SMYD3: variants seen among roughly 807,000 people sequenced by gnomAD.
The protein encoded by SMYD3 is histone-lysine N-methyltransferase SMYD3.
SMYD3 carries 36 observed loss-of-function variants against 57.7 expected under a neutral mutation model. That is an observed-to-expected ratio of 0.62 (90% CI 0.48 to 0.82). The LOEUF (loss-of-function observed/expected upper bound fraction) is 0.82. Among genes scored for constraint, SMYD3 ranks in the 40% least tolerant of loss-of-function variants. The pLI, the probability that SMYD3 is intolerant of heterozygous loss-of-function variation, is 0.00. For synonymous variants in SMYD3, 211 were observed against 195.0 expected, an observed-to-expected ratio of 1.08 and a Z score of -0.68; for missense variants, 515 against 538.8, an observed-to-expected ratio of 0.96 and a Z score of 0.44.
chr1:245,960,378 C>T (rs1190982097), intron 5 of SMYD3, among the ~76,000 whole-genome samples: 1 of 152,134 alleles, frequency 6.6e-6, no homozygotes, highest in African/African-American at 2.4e-5. Context: ...GGTCAAGGGA[C>T]AACAATCTAT....
chr1:246,307,564 C>CACA (rs2065005136), intron 5 of SMYD3, among the ~76,000 whole-genome samples: 1 of 151,236 alleles, frequency 6.6e-6, no homozygotes, highest in African/African-American at 2.4e-5. Context: ...GGACTACAGG[C>CACA]GCCCGCCACC....
intron 1 of SMYD3, among the ~76,000 whole-genome samples, chr1:246,487,096 C>G (rs1319435215): frequency 6.6e-6 from 1 of 152,154 alleles, no homozygotes; most frequent in East Asian, 1.9e-4. Context: ...GACACAATAC[C>G]TGCATCCAAG....
intron 8 of SMYD3, among the ~76,000 whole-genome samples, chr1:245,875,618 T>C (rs1018394803): frequency 1.0e-3 from 159 of 152,194 alleles, no homozygotes; most frequent in African/African-American, 3.7e-3. Flanking sequence ...GTATACAAGA[T>C]GATATAATGC....
At chr1:246,128,073 C>G (rs2061534729) in intron 5 of SMYD3, among the ~76,000 whole-genome samples, 1 of 151,980 alleles carries the variant, frequency 6.6e-6, no homozygotes, top group African/African-American at 2.4e-5. Context: ...GAAATGTAGG[C>G]GTAAAGCAAA....
chr1:246,452,021 TG>T (rs2067641070), intron 1 of SMYD3, among the ~76,000 whole-genome samples: 2 of 152,338 alleles, frequency 1.3e-5, no homozygotes, highest in South Asian at 4.1e-4. Flanking sequence ...TCTTCATCTG[TG>T]AAATTAAGAC....
chr1:246,072,715 A>G (rs2787964), intron 5 of SMYD3, among the ~76,000 whole-genome samples: 60,121 of 151,660 alleles, frequency 0.4, 14,906 homozygotes, highest in African/African-American at 0.68. Flanking sequence ...AGATCTGCCT[A>G]AAATGTTGGC....
At chr1:246,183,068 T>C (rs986613915) in intron 5 of SMYD3, among the ~76,000 whole-genome samples, 2 of 152,186 alleles carry the variant, frequency 1.3e-5, no homozygotes, top group Admixed American at 6.5e-5. Context: ...TTTTGGCTTT[T>C]ATCTAAGGCC....
chr1:246,177,016 G>A (rs1374445901), intron 5 of SMYD3, among the ~76,000 whole-genome samples: 3 of 152,156 alleles, frequency 2.0e-5, no homozygotes, highest in African/African-American at 7.2e-5. Context: ...TTGTTTTTAG[G>A]CCTGCTGTTT....
intron 11 of SMYD3, among the ~76,000 whole-genome samples, chr1:245,762,116 A>C (rs1254376982): frequency 6.6e-6 from 1 of 152,130 alleles, no homozygotes; most frequent in Non-Finnish European, 1.5e-5. Flanking sequence ...GAAGTATTTG[A>C]TCACCATGTT....
At chr1:246,458,594 C>T (rs1010283429) in intron 1 of SMYD3, among the ~76,000 whole-genome samples, 1 of 149,718 alleles carries the variant, frequency 6.7e-6, no homozygotes, top group Non-Finnish European at 1.5e-5. Flanking sequence ...CTACAGGCGC[C>T]CACCACCGCG....
Position 246,252,857 on chromosome 1 carries a change from T to C in SMYD3, c.531+74344A>G, listed in dbSNP as rs142941769. On this transcript the variant is annotated intron_variant, in intron 5 of 11. Transcript: ENST00000490107. ...AAAGCCTGTTACTATGGTAAATAAA[T>C]ACACACAGTTCTATCACAGAGCACA... is the stretch of plus-strand genomic sequence containing the variant. Among the ~76,000 whole-genome samples, 289 of 152,324 alleles carry C rather than the reference T, an allele frequency of 1.9e-3. 1 individual carries two copies. The highest frequency in any genetic ancestry group is 6.8e-3 in the African/African-American group (284 of 41,568).
intron 5 of SMYD3, among the ~76,000 whole-genome samples, chr1:246,303,119 T>C (rs1414591411): frequency 6.6e-6 from 1 of 152,228 alleles, no homozygotes; most frequent in Admixed American, 6.5e-5. Context: ...TCAGGCTGCC[T>C]GAGTTCCTAC....
chr1:245,883,661 G>C (rs2052918297), intron 8 of SMYD3, among the ~76,000 whole-genome samples: 1 of 152,098 alleles, frequency 6.6e-6, no homozygotes, highest in Non-Finnish European at 1.5e-5. Context: ...GTTTAAAGCA[G>C]CCTTTACCCA....
At chr1:246,001,830 C>T (rs2059053188) in intron 5 of SMYD3, among the ~76,000 whole-genome samples, 2 of 152,142 alleles carry the variant, frequency 1.3e-5, no homozygotes, top group South Asian at 2.1e-4. Context: ...GAGCTGGCAG[C>T]TACTCAGAGA....
At chr1:245,944,068 G>T (rs1485030625) in intron 5 of SMYD3, among the ~76,000 whole-genome samples, 3 of 152,122 alleles carry the variant, frequency 2.0e-5, no homozygotes, top group Non-Finnish European at 4.4e-5. Flanking sequence ...CATTCCTCTT[G>T]AAAACTGGCA....
chr1:246,170,532 T>C (rs1373004479), intron 5 of SMYD3, among the ~76,000 whole-genome samples: 1 of 152,124 alleles, frequency 6.6e-6, no homozygotes, highest in African/African-American at 2.4e-5. Flanking sequence ...TTAGGAATTC[T>C]ACTATGAGTA....
chr1:246,304,476 C>A (rs2064946773), intron 5 of SMYD3, among the ~76,000 whole-genome samples: 1 of 151,834 alleles, frequency 6.6e-6, no homozygotes, highest in South Asian at 2.1e-4. Flanking sequence ...AGTAAATGAC[C>A]AGCAACTGAA....
At chr1:245,998,635 C>T (rs752399225) in intron 5 of SMYD3, among the ~76,000 whole-genome samples, 13 of 152,022 alleles carry the variant, frequency 8.6e-5, no homozygotes, top group African/African-American at 1.2e-4. Flanking sequence ...AACTACCAAA[C>T]GATCTAGCAA....
chr1:245,797,563 A>G (rs900759977), intron 10 of SMYD3, among the ~76,000 whole-genome samples: 6 of 151,312 alleles, frequency 4.0e-5, no homozygotes, highest in African/African-American at 1.5e-4. Context: ...ATTAGGAGAT[A>G]TACCTAATGT....
Sources: allele counts gnomAD v4.1 joint callset (sites outside exome capture counted in the v4.1 genomes callset), GRCh38; gene constraint gnomAD v4.1.1; transcripts MANE v1.5; gene names NCBI Gene and HGNC (gene_info 2026-07-23, HGNC 2026-07-21).